The following THADA variants were observed in gnomAD, a reference collection of about 807,000 sequenced individuals.
THADA encodes the protein THADA armadillo repeat containing.
Under a neutral mutation model 219.8 loss-of-function variants are expected in THADA, and 213 were observed. The ratio of observed to expected loss-of-function variants is 0.97; its 90% confidence interval spans 0.87 to 1.09. The LOEUF (loss-of-function observed/expected upper bound fraction) is 1.09. Among genes scored for constraint, THADA ranks in the 50% least tolerant of loss-of-function variants. The pLI is 0.00. For missense variants in THADA, 2,956 were observed against 2,311.3 expected, an observed-to-expected ratio of 1.28 and a Z score of -5.72; for synonymous variants, 1,018 against 828.9, an observed-to-expected ratio of 1.23 and a Z score of -3.92.
chr2:43,285,283 G>A (rs1388039634), intron 35 of THADA, among the ~76,000 whole-genome samples: 1 of 152,164 alleles, frequency 6.6e-6, no homozygotes, highest in Non-Finnish European at 1.5e-5. Flanking sequence ...TGAATTGGAG[G>A]CGGGGCCTGG....
intron 36 of THADA, among the ~76,000 whole-genome samples, chr2:43,260,458 A>T (rs1038580629): frequency 2.0e-5 from 3 of 152,174 alleles, no homozygotes; most frequent in Non-Finnish European, 2.9e-5. Context: ...TATTCATAAA[A>T]ACTTAATTGC....
chr2:43,498,312 T>C (rs1688520445), intron 25 of THADA, among the ~76,000 whole-genome samples: 1 of 152,184 alleles, frequency 6.6e-6, no homozygotes, highest in Admixed American at 6.5e-5. Context: ...ACAGTGCTGA[T>C]AAATGTTGTT....
intron 23 of THADA, 95 bp downstream of exon 23, chr2:43,508,553 T>A: frequency 8.2e-7 from 1 of 1,220,696 alleles, no homozygotes; most frequent in South Asian, 1.8e-5. Context: ...ATGTCCTTTA[T>A]GTGTAATACG....
At chr2:43,477,496 C>T (rs1301218730) in intron 26 of THADA, among the ~76,000 whole-genome samples, 2 of 152,118 alleles carry the variant, frequency 1.3e-5, no homozygotes, top group East Asian at 3.8e-4. Context: ...ACATATATTC[C>T]CCATTAACAT....
chr2:43,280,157 G>A (rs192800592), intron 35 of THADA, among the ~76,000 whole-genome samples: 14 of 152,346 alleles, frequency 9.2e-5, no homozygotes, highest in Non-Finnish European at 2.1e-4. Context: ...AAGGCCTCCA[G>A]AAGATGCTGC....
At chr2:43,354,573 T>C (rs1456534217) in intron 29 of THADA, among the ~76,000 whole-genome samples, 1 of 152,162 alleles carries the variant, frequency 6.6e-6, no homozygotes, top group Admixed American at 6.5e-5. Flanking sequence ...TCAATTGTTT[T>C]AATTTTTGGC....
chr2:43,466,677 T>C (rs919128082), intron 26 of THADA, among the ~76,000 whole-genome samples: 3 of 152,174 alleles, frequency 2.0e-5, no homozygotes, highest in African/African-American at 2.4e-5. Context: ...ATTTACTCTG[T>C]GCCAAGTACT....
At chr2:43,515,875 G>A (rs913399995) in intron 22 of THADA, among the ~76,000 whole-genome samples, 1 of 152,040 alleles carries the variant, frequency 6.6e-6, no homozygotes, top group Non-Finnish European at 1.5e-5. Flanking sequence ...AGTTTCAATG[G>A]GGTGTCTACT....
intron 36 of THADA, 132 bp downstream of exon 36, chr2:43,279,633 C>T: frequency 8.3e-7 from 1 of 1,210,656 alleles, no homozygotes; most frequent in Non-Finnish European, 1.1e-6. Flanking sequence ...GGCTTTCCCA[C>T]TAAGATGGCA....
rs544776926 is a variant in THADA at position 43,428,335 on chromosome 2, C to T, written c.3927-104G>A. ...AAATAATTATGTATATGGCCGGGTGCGGTGACTAATGCCTGTAATCCCAGC... is the reference window on the plus strand; with the variant it reads ...AAATAATTATGTATATGGCCGGGTGTGGTGACTAATGCCTGTAATCCCAGC... On this transcript the variant is annotated intron_variant, in intron 27 of 37. Coordinates refer to ENST00000405975, the MANE Select transcript of THADA (RefSeq NM_022065.5). The T allele has an allele frequency of 2.3e-5, 27 of 1,162,566 alleles. No homozygotes were observed. The South Asian group carries it at 2.9e-4, about 13-fold the overall frequency. The allele number at this position is 1,162,566 out of a possible 1,614,324, so 72.0% of individuals were successfully genotyped here.
intron 22 of THADA, among the ~76,000 whole-genome samples, chr2:43,512,911 T>C (rs1339006489): frequency 6.6e-6 from 1 of 152,242 alleles, no homozygotes; most frequent in Admixed American, 6.5e-5. Flanking sequence ...CACCAGGCTT[T>C]TCACAGCTGC....
chr2:43,561,653 C>T (rs1698076840), intron 15 of THADA, among the ~76,000 whole-genome samples: 1 of 152,208 alleles, frequency 6.6e-6, no homozygotes, highest in Non-Finnish European at 1.5e-5. Context: ...CTATGAAATT[C>T]CTAGAGCCGA....
intron 24 of THADA, among the ~76,000 whole-genome samples, chr2:43,501,596 G>C (rs570136619): frequency 3.3e-5 from 5 of 152,232 alleles, no homozygotes; most frequent in Admixed American, 2.6e-4. Flanking sequence ...AACAAAAAAA[G>C]AGAGATTCAC....
intron 29 of THADA, among the ~76,000 whole-genome samples, chr2:43,397,106 G>A (rs1461905979): frequency 1.3e-5 from 2 of 152,096 alleles, no homozygotes; most frequent in Non-Finnish European, 1.5e-5. Context: ...GTAGATCTGA[G>A]ATTCACACCC....
At chr2:43,245,924 G>C (rs1156922197) in intron 36 of THADA, among the ~76,000 whole-genome samples, 4 of 152,016 alleles carry the variant, frequency 2.6e-5, no homozygotes, top group Non-Finnish European at 5.9e-5. Context: ...GCAGAATCCA[G>C]AAAGTGTCTT....
chr2:43,586,003 G>T (rs529653216), intron 7 of THADA, among the ~76,000 whole-genome samples: 1 of 152,104 alleles, frequency 6.6e-6, no homozygotes, highest in African/African-American at 2.4e-5. Context: ...AGTGACTAAC[G>T]CCTGTAATCT....
intron 21 of THADA, among the ~76,000 whole-genome samples, chr2:43,536,323 A>G (rs1040813527): frequency 2.0e-5 from 3 of 152,208 alleles, no homozygotes; most frequent in African/African-American, 7.2e-5. Flanking sequence ...TTTGTACACC[A>G]GTACCACACT....
intron 36 of THADA, among the ~76,000 whole-genome samples, chr2:43,253,583 C>T (rs1670028565): frequency 6.6e-6 from 1 of 152,112 alleles, no homozygotes; most frequent in Non-Finnish European, 1.5e-5. Context: ...GACAATGGAA[C>T]CTCTTGGTTT....
At chr2:43,269,920 T>C (rs1489768052) in intron 36 of THADA, among the ~76,000 whole-genome samples, 1 of 152,196 alleles carries the variant, frequency 6.6e-6, no homozygotes, top group Non-Finnish European at 1.5e-5. Flanking sequence ...TGCTGACTGC[T>C]GAGAGATGGC....
Sources: gnomAD v4.1 joint callset for allele counts (sites outside exome capture counted in the v4.1 genomes callset) on GRCh38, gnomAD v4.1.1 for gene constraint, MANE v1.5 for transcripts, NCBI Gene and HGNC (gene_info 2026-07-23, HGNC 2026-07-21) for gene names.